TMEM117: variants seen among roughly 807,000 people sequenced by gnomAD.
TMEM117 encodes transmembrane protein 117.
TMEM117 carries 27 observed loss-of-function variants against 52.4 expected under a neutral mutation model. The ratio of observed to expected loss-of-function variants is 0.51; its 90% CI spans 0.38 to 0.71. The LOEUF (loss-of-function observed/expected upper bound fraction) is 0.71. Among genes scored for constraint, TMEM117 ranks in the 30% least tolerant of loss-of-function variants. TMEM117 has a pLI of 0.00. For synonymous variants in TMEM117, 215 were observed against 206.3 expected (o/e 1.04, Z -0.36); for missense variants, 556 against 630.5 (o/e 0.88, Z 1.26).
At chr12:44,196,884 T>A (rs754051903) in intron 4 of TMEM117, among the ~76,000 whole-genome samples, 3 of 152,258 alleles carry the variant, frequency 2.0e-5, no homozygotes, top group Non-Finnish European at 4.4e-5. Context: ...GTTATGGTTA[T>A]GTCAGATGGT....
chr12:44,220,931 A>T (rs1429280169), intron 5 of TMEM117, among the ~76,000 whole-genome samples: 1 of 152,206 alleles, frequency 6.6e-6, no homozygotes, highest in Non-Finnish European at 1.5e-5. Context: ...TGGAAAGAAG[A>T]GACAAATCTC....
At chr12:44,037,197 G>A (rs989365285) in intron 3 of TMEM117, among the ~76,000 whole-genome samples, 2 of 152,166 alleles carry the variant, frequency 1.3e-5, no homozygotes, top group Non-Finnish European at 2.9e-5. Context: ...TGTGCTCTTG[G>A]GGGCTGGAAG....
chr12:43,880,985 A>G (rs1485417138), intron 2 of TMEM117, among the ~76,000 whole-genome samples: 6 of 152,218 alleles, frequency 3.9e-5, no homozygotes, highest in Non-Finnish European at 8.8e-5. Flanking sequence ...GAAAATTCTA[A>G]CTCACAGAGC....
At chr12:43,940,403 A>G (rs1186258185) in intron 2 of TMEM117, among the ~76,000 whole-genome samples, 2 of 152,226 alleles carry the variant, frequency 1.3e-5, no homozygotes, top group African/African-American at 4.8e-5. Context: ...AGTGAGGTAG[A>G]AAGGAAATTC....
intron 2 of TMEM117, among the ~76,000 whole-genome samples, chr12:43,878,491 A>G (rs561229531): frequency 2.0e-5 from 3 of 152,356 alleles, no homozygotes; most frequent in South Asian, 2.1e-4. Flanking sequence ...AATTGTTTTC[A>G]GAAATAATCT....
chr12:44,269,846 T>C (rs1327757018), intron 5 of TMEM117, among the ~76,000 whole-genome samples: 1 of 152,078 alleles, frequency 6.6e-6, no homozygotes, highest in Non-Finnish European at 1.5e-5. Flanking sequence ...TTATTGTCAA[T>C]AAGAAATCTG....
chr12:44,354,229 C>A (rs921893698), intron 6 of TMEM117, among the ~76,000 whole-genome samples: 1 of 152,106 alleles, frequency 6.6e-6, no homozygotes, highest in Non-Finnish European at 1.5e-5. Flanking sequence ...ACAATCATGT[C>A]ATCTGCAAAC....
In TMEM117 at chr12:44,388,135, G is replaced by A. The variant is rs150882895; in HGVS notation, c.1008G>A (p.Pro336=). 1,040 of 1,613,048 alleles carry A rather than the reference G, an allele frequency of 6.4e-4. 13 individuals are homozygous for A. The highest frequency in any genetic ancestry group is 2.7e-4 in the East Asian group (12 of 44,760). ...KPHEYGQYIG[P]GQKIYTVKDS... The stretch of plus-strand genomic sequence containing the variant: ...ATGAATATGGGCAATATATCGGCCC[G>A]GGGCAGAAGATATATACAGTGAAAG... Residue 336 remains proline, a synonymous_variant, in exon 8 of 8, where the codon CCG becomes CCA. Transcript: ENST00000266534.
chr12:44,087,869 T>C (rs889603350), intron 3 of TMEM117, among the ~76,000 whole-genome samples: 6 of 152,212 alleles, frequency 3.9e-5, no homozygotes, highest in African/African-American at 1.4e-4. Flanking sequence ...ATATAATCTG[T>C]GCATTATTTG....
At chr12:44,032,734 C>A (rs1279289197) in intron 3 of TMEM117, among the ~76,000 whole-genome samples, 2 of 152,070 alleles carry the variant, frequency 1.3e-5, no homozygotes, top group Non-Finnish European at 2.9e-5. Context: ...TATGAATGAC[C>A]CTCACCATAC....
chr12:44,135,104 A>G (rs1052518119), intron 3 of TMEM117, among the ~76,000 whole-genome samples: 58 of 152,188 alleles, frequency 3.8e-4, no homozygotes, highest in Non-Finnish European at 1.0e-4. Flanking sequence ...GTGGTCTCCA[A>G]CAATCACTGG....
At chr12:44,184,661 A>G (rs1020479780) in intron 4 of TMEM117, among the ~76,000 whole-genome samples, 2 of 152,184 alleles carry the variant, frequency 1.3e-5, no homozygotes, top group East Asian at 1.9e-4. Context: ...GAATTCTGTC[A>G]ACAACCAGAA....
At chr12:44,245,843 T>G (rs1269512882) in intron 5 of TMEM117, among the ~76,000 whole-genome samples, 1 of 152,090 alleles carries the variant, frequency 6.6e-6, no homozygotes, top group East Asian at 1.9e-4. Context: ...GAACTTTCTA[T>G]AATCCCAAAT....
At chr12:44,148,799 T>C (rs1232412385) in intron 4 of TMEM117, among the ~76,000 whole-genome samples, 1 of 152,212 alleles carries the variant, frequency 6.6e-6, no homozygotes, top group Non-Finnish European at 1.5e-5. Flanking sequence ...AAGAAATATT[T>C]ATTTAAAGAA....
At chr12:44,040,019 A>G (rs923982199) in intron 3 of TMEM117, among the ~76,000 whole-genome samples, 11 of 152,172 alleles carry the variant, frequency 7.2e-5, no homozygotes, top group African/African-American at 2.4e-4. Context: ...ATGTTTAACA[A>G]TAGGTTACCT....
intron 5 of TMEM117, among the ~76,000 whole-genome samples, chr12:44,271,400 A>G (rs1950444001): frequency 6.6e-6 from 1 of 152,086 alleles, no homozygotes; most frequent in Admixed American, 6.6e-5. Context: ...TACAAAAAAT[A>G]TACATATAGG....
chr12:44,304,879 C>A (rs1950885469), intron 6 of TMEM117, among the ~76,000 whole-genome samples: 1 of 152,204 alleles, frequency 6.6e-6, no homozygotes, highest in Non-Finnish European at 1.5e-5. Flanking sequence ...GAAACCCAAA[C>A]ATCCCCACCT....
intron 4 of TMEM117, among the ~76,000 whole-genome samples, chr12:44,176,550 A>G (rs895564203): frequency 6.6e-6 from 1 of 152,194 alleles, no homozygotes; most frequent in Non-Finnish European, 1.5e-5. Flanking sequence ...GCTGTCAAAC[A>G]TAGTTGTGCC....
At chr12:44,070,484 A>G (rs1182460005) in intron 3 of TMEM117, among the ~76,000 whole-genome samples, 2 of 152,208 alleles carry the variant, frequency 1.3e-5, no homozygotes, top group African/African-American at 4.8e-5. Flanking sequence ...ATATTGGGTC[A>G]GTCAACCTGC....
Sources: gnomAD v4.1 joint callset for allele counts (sites outside exome capture counted in the v4.1 genomes callset) on GRCh38, gnomAD v4.1.1 for gene constraint, MANE v1.5 for transcripts, NCBI Gene and HGNC (gene_info 2026-07-23, HGNC 2026-07-21) for gene names.